Variants in PSD2 observed in about 807,000 individuals in gnomAD.
The protein encoded by PSD2 is PH and SEC7 domain-containing protein 2.
In PSD2, 38 loss-of-function variants were observed where a neutral mutation model predicts 69.8. That is an observed-to-expected ratio of 0.54 (90% CI 0.42 to 0.71). The LOEUF (loss-of-function observed/expected upper bound fraction) is 0.71, where lower values mean the gene tolerates loss of function less well. PSD2 is among the 30% of genes least tolerant of loss of function. PSD2 has a pLI of 0.00. For synonymous variants in PSD2, 412 were observed against 423.0 expected, an observed-to-expected ratio of 0.97 and a Z score of 0.32; for missense variants, 943 against 1,014.5, an observed-to-expected ratio of 0.93 and a Z score of 0.96.
chr5:139,837,847 A>G lies in PSD2; in HGVS notation c.1823+65A>G. The G allele has an allele frequency of 2.0e-6, 3 of 1,482,474 alleles. No homozygotes were observed. Among genetic ancestry groups the G allele is most frequent in the Non-Finnish European group, 1.8e-6 (2 of 1,085,242 alleles). The allele number at this position is 1,482,474 out of a possible 1,614,324, so 91.8% of individuals were successfully genotyped here. On this transcript the variant is annotated intron_variant, in intron 12 of 14. Transcript: ENST00000274710. This position sits in a 1 kb window ranked among gnomAD's most constrained non-coding sequence, Gnocchi z 5.0. ...CAGGGCCACAGTGACCCGGCACACA[A>G]CCCCTCTCCTTCCCGTGAGTCAGCA...
At chr5:139,781,440 A>G in the PSD2 span, among the ~76,000 whole-genome samples, 1 of 150,966 alleles carries the variant, frequency 6.6e-6, no homozygotes, top group East Asian at 2.0e-4. Context: ...GGTTCACGCC[A>G]TTCTCCTGCC....
At chr5:139,751,266 G>C in the PSD2 span, among the ~76,000 whole-genome samples, 1 of 152,226 alleles carries the variant, frequency 6.6e-6, no homozygotes, top group Admixed American at 6.5e-5. Context: ...GGCGGAGGTG[G>C]CCAGTATCCT....
chr5:139,771,600 G>C, the PSD2 span, among the ~76,000 whole-genome samples: 2 of 152,070 alleles, frequency 1.3e-5, no homozygotes, highest in African/African-American at 2.4e-5. Context: ...GGATGGTCTC[G>C]ATTTCCTGAC....
chr5:139,779,182 A>G, the PSD2 span, among the ~76,000 whole-genome samples: 1 of 152,080 alleles, frequency 6.6e-6, no homozygotes, highest in Non-Finnish European at 1.5e-5. Flanking sequence ...GTTTGGTTAC[A>G]TGAGTCAGTT....
the PSD2 span, among the ~76,000 whole-genome samples, chr5:139,766,916 CCTTCCTTCCTTCCCTTCTTTCTTTCTTT>C: frequency 6.7e-5 from 3 of 44,954 alleles, no homozygotes; most frequent in African/African-American, 2.4e-4. Context: ...TCCCTTCCTT[CCTTCCTTCCTTCCCTTCTTTCTTTCTTT>C]CTTTCTTTCT....
chr5:139,816,968 TTCTCTTTTCCCCATCCCTTCTATCTCTA>T (rs1267410809), intron 4 of PSD2, among the ~76,000 whole-genome samples: 4 of 152,204 alleles, frequency 2.6e-5, no homozygotes, highest in Non-Finnish European at 4.4e-5. Flanking sequence ...CCCCCTAAAT[TTCTCTTTTCCCCATCCCTTCTATCTCTA>T]TCTGGACAAC....
At chr5:139,818,309 CCG>C (rs1760175389) in intron 5 of PSD2, among the ~76,000 whole-genome samples, 1 of 152,136 alleles carries the variant, frequency 6.6e-6, no homozygotes, top group Non-Finnish European at 1.5e-5. Flanking sequence ...CTTTGGGAGG[CCG>C]AGGCTGGAAG....
the PSD2 span, chr5:139,742,612 A>G: frequency 6.5e-6 from 1 of 152,948 alleles, no homozygotes; most frequent in Admixed American, 6.5e-5. Context: ...GTGACTGAGC[A>G]TGAGAGTGAC....
intron 14 of PSD2, among the ~76,000 whole-genome samples, chr5:139,840,803 CG>C (rs1760854070): frequency 6.6e-6 from 1 of 152,128 alleles, no homozygotes; most frequent in South Asian, 2.1e-4. Flanking sequence ...CCACCTGCCT[CG>C]GCCTCCCAAA....
the PSD2 span, among the ~76,000 whole-genome samples, chr5:139,779,607 TGAG>T: frequency 6.6e-6 from 1 of 152,242 alleles, no homozygotes; most frequent in Non-Finnish European, 1.5e-5. Context: ...TACCATTTAT[TGAG>T]TTTTAACAAA....
chr5:139,780,159 AGTTCTCAGCTCAGAACACAATGG>A, the PSD2 span, among the ~76,000 whole-genome samples: 3 of 152,316 alleles, frequency 2.0e-5, no homozygotes, highest in African/African-American at 7.2e-5. Context: ...TCTACCCTTG[AGTTCTCAGCTCAGAACACAATGG>A]GTTCTCAGCT....
the PSD2 span, among the ~76,000 whole-genome samples, chr5:139,778,211 T>C: frequency 6.6e-6 from 1 of 152,290 alleles, no homozygotes; most frequent in East Asian, 1.9e-4. Context: ...AATGGGACAG[T>C]GCACACAAGA....
intron 2 of PSD2, among the ~76,000 whole-genome samples, chr5:139,811,192 G>A (rs973999816): frequency 3.9e-5 from 6 of 152,166 alleles, no homozygotes; most frequent in Non-Finnish European, 8.8e-5. Flanking sequence ...CAGGCATTCT[G>A]TGCCTTTTAG....
At chr5:139,819,076 C>T (rs951240212) in intron 5 of PSD2, among the ~76,000 whole-genome samples, 2 of 152,018 alleles carry the variant, frequency 1.3e-5, no homozygotes, top group African/African-American at 4.8e-5. Flanking sequence ...ATCATATATC[C>T]TGTCTCTTTG....
At chr5:139,840,713 G>A (rs1363712499) in intron 14 of PSD2, among the ~76,000 whole-genome samples, 1 of 151,898 alleles carries the variant, frequency 6.6e-6, no homozygotes, top group East Asian at 1.9e-4. Flanking sequence ...ACCATGCCTG[G>A]CTAATTTTTG....
Position 139,821,920 on chromosome 5 carries a change from G to A in PSD2, c.1125G>A (p.Met375Ile). 2.5e-6 allele frequency: 4 copies of A among 1,609,124 alleles called. No homozygotes were observed. The highest frequency in any genetic ancestry group is 3.4e-6 in the Non-Finnish European group (4 of 1,177,220). Reference protein sequence around the residue: ...LRTFLKAFPLMGETQERERVL... With the variant: ...LRTFLKAFPLIGETQERERVL... ...CATTCTTGAAGGCCTTCCCGCTGAT[G>A]GGGGAGACACAAGAGCGTGAGCGGG... The change falls in exon 6 of 15, where the codon ATG (methionine) becomes ATA (isoleucine). Residue 375 changes from methionine to isoleucine, a missense_variant. Physicochemically the swap from Met to Ile is conservative, Grantham distance 10 (BLOSUM62 1). Transcript: ENST00000274710.
chr5:139,810,205 A>C (rs1036456671), intron 2 of PSD2, among the ~76,000 whole-genome samples: 12 of 152,190 alleles, frequency 7.9e-5, no homozygotes, highest in Admixed American at 2.0e-4. Context: ...ACTCCAGGAA[A>C]GCCGGCTTTA....
chr5:139,838,849 C>A, intron 13 of PSD2, 77 bp downstream of exon 13: 1 of 1,491,504 alleles, frequency 6.7e-7, no homozygotes, highest in Non-Finnish European at 9.2e-7. Flanking sequence ...CAGCCCCACC[C>A]CAGCTCTGTC....
intron 1 of PSD2, among the ~76,000 whole-genome samples, chr5:139,803,051 G>T (rs144353402): frequency 6.6e-6 from 1 of 152,378 alleles, no homozygotes; most frequent in Non-Finnish European, 1.5e-5. Flanking sequence ...TTACCTGAAA[G>T]GGATGGGCAT....
Sources: gnomAD v4.1 joint callset for allele counts (sites outside exome capture counted in the v4.1 genomes callset) on GRCh38, gnomAD v4.1.1 for gene constraint, Gnocchi (gnomAD v3.1) non-coding constraint, MANE v1.5 for transcripts, NCBI Gene and HGNC (gene_info 2026-07-23, HGNC 2026-07-21) for gene names.